The following ST8SIA1 variants were observed in gnomAD, a reference collection of about 807,000 sequenced individuals.
ST8SIA1 encodes the protein alpha-N-acetylneuraminide alpha-2,8-sialyltransferase.
Under a neutral mutation model 35.9 loss-of-function variants are expected in ST8SIA1, and 16 were observed. The ratio of observed to expected loss-of-function variants is 0.45; its 90% CI spans 0.30 to 0.68. ST8SIA1 has a LOEUF of 0.68. ST8SIA1 is among the 30% of genes least tolerant of loss of function. The pLI is 0.09. For synonymous variants in ST8SIA1, 170 were observed against 169.6 expected (o/e 1.00, Z -0.02); for missense variants, 383 against 453.6 (o/e 0.84, Z 1.41).
At chr12:22,294,445 C>T (rs1414964456) in intron 1 of ST8SIA1, among the ~76,000 whole-genome samples, 1 of 152,126 alleles carries the variant, frequency 6.6e-6, no homozygotes. Context: ...AGGAGAAGTA[C>T]TTTCATTAGA....
chr12:22,204,159 C>G (rs1372051527), intron 4 of ST8SIA1, among the ~76,000 whole-genome samples: 1 of 145,998 alleles, frequency 6.8e-6, no homozygotes, highest in Non-Finnish European at 1.5e-5. Flanking sequence ...AACTCATGTT[C>G]CAAAGTGGAT....
rs1390052860 is a variant in ST8SIA1, at chr12:22,195,322, G to C, written c.*6230C>G. ...CAGCAAGGGGTGGAGCCTTGATACT[G>C]TCATGGTCCAAGTGGGTAAACAGGT... On this transcript the variant is annotated 3_prime_UTR_variant, in exon 5 of 5. Transcript: ENST00000396037. 6.6e-6 allele frequency: 1 copy of C among 152,110 alleles called. No homozygotes were observed. Among genetic ancestry groups the C allele is most frequent in the Non-Finnish European group, 1.5e-5 (1 of 68,068 alleles). 9.4% of individuals were successfully genotyped at this position (152,110 alleles called of 1,614,324 possible).
At chr12:22,296,729 T>C (rs1866248950) in intron 1 of ST8SIA1, among the ~76,000 whole-genome samples, 1 of 152,146 alleles carries the variant, frequency 6.6e-6, no homozygotes, top group Non-Finnish European at 1.5e-5. Flanking sequence ...TTAAAACATA[T>C]GTTTGGAGAG....
chr12:22,297,461 T>C (rs1866259699), intron 1 of ST8SIA1, among the ~76,000 whole-genome samples: 1 of 151,776 alleles, frequency 6.6e-6, no homozygotes, highest in Admixed American at 6.6e-5. Context: ...TTTCTGTGGG[T>C]AAGATTCAAA....
At chr12:22,319,952 C>T (rs1866565303) in intron 1 of ST8SIA1, among the ~76,000 whole-genome samples, 1 of 152,086 alleles carries the variant, frequency 6.6e-6, no homozygotes, top group Non-Finnish European at 1.5e-5. Flanking sequence ...TCACGGTAAG[C>T]CCCATAAAAA....
intron 1 of ST8SIA1, among the ~76,000 whole-genome samples, chr12:22,305,689 A>G (rs1866375816): frequency 1.3e-5 from 2 of 152,078 alleles, no homozygotes. Context: ...CCTAGCATAC[A>G]TTTTTGTTTG....
At chr12:22,257,661 G>A (rs1012084796) in intron 2 of ST8SIA1, among the ~76,000 whole-genome samples, 11 of 151,950 alleles carry the variant, frequency 7.2e-5, no homozygotes, top group Non-Finnish European at 1.5e-4. Flanking sequence ...AAACATTCCT[G>A]GGATGGGAAA....
At chr12:22,262,000 G>C (rs942358155) in intron 2 of ST8SIA1, among the ~76,000 whole-genome samples, 5 of 152,094 alleles carry the variant, frequency 3.3e-5, no homozygotes, top group Non-Finnish European at 7.4e-5. Flanking sequence ...AAAATGCAGC[G>C]TGCTATAAGG....
chr12:22,306,121 C>T (rs1205478956), intron 1 of ST8SIA1, among the ~76,000 whole-genome samples: 1 of 152,166 alleles, frequency 6.6e-6, no homozygotes, highest in Non-Finnish European at 1.5e-5. Flanking sequence ...AGCCCCTTCC[C>T]TGCTTGAGTT....
intron 4 of ST8SIA1, among the ~76,000 whole-genome samples, chr12:22,211,444 T>A (rs1034163209): frequency 1.3e-5 from 2 of 152,196 alleles, no homozygotes; most frequent in South Asian, 4.1e-4. Context: ...TCAACCATGA[T>A]TGCATGCTAA....
chr12:22,276,312 C>G (rs1433624805), intron 2 of ST8SIA1, among the ~76,000 whole-genome samples: 1 of 152,218 alleles, frequency 6.6e-6, no homozygotes, highest in East Asian at 1.9e-4. Context: ...GCCATAAAGA[C>G]CCATGTAACT....
intron 1 of ST8SIA1, among the ~76,000 whole-genome samples, chr12:22,321,812 C>T (rs1464812508): frequency 1.3e-5 from 2 of 152,200 alleles, no homozygotes; most frequent in Non-Finnish European, 2.9e-5. Context: ...ACTGACTCAG[C>T]TCACCAGAGT....
intron 3 of ST8SIA1, among the ~76,000 whole-genome samples, chr12:22,253,581 G>A (rs983921768): frequency 2.6e-5 from 4 of 152,130 alleles, no homozygotes; most frequent in Admixed American, 6.5e-5. Context: ...CACATCTCTA[G>A]GATATAAATC....
At position 22,197,264 on chromosome 12, in the gene ST8SIA1, A is replaced by G. The variant is rs1591820900; in HGVS notation, c.*4288T>C. 3 of 152,368 alleles carry G rather than the reference A, an allele frequency of 2.0e-5. No individual in the cohort carries two copies. Among genetic ancestry groups the G allele is most frequent in the African/African-American group, 7.2e-5 (3 of 41,586 alleles). The allele number at this position is 152,368 out of a possible 1,614,324, so 9.4% of individuals were successfully genotyped here. A position where few individuals can be genotyped will look rare whatever the true frequency, so the allele number is the denominator to read the frequency against. On this transcript the variant is annotated 3_prime_UTR_variant, in exon 5 of 5. Coordinates refer to ENST00000396037, the MANE Select transcript of ST8SIA1 (RefSeq NM_003034.4). Reference sequence around the variant, plus strand: ...CTTATTCCTCCACAAGTTTGCGTCAAGTTCACATAAACGTCCTTACAGCTT... The same window carrying G: ...CTTATTCCTCCACAAGTTTGCGTCAGGTTCACATAAACGTCCTTACAGCTT...
At chr12:22,253,544 G>T (rs781516216) in intron 3 of ST8SIA1, among the ~76,000 whole-genome samples, 1 of 152,154 alleles carries the variant, frequency 6.6e-6, no homozygotes, top group Non-Finnish European at 1.5e-5. Flanking sequence ...AAGCTCCCGT[G>T]TGTCTGAATT....
At chr12:22,285,232 A>C (rs3782526) in intron 2 of ST8SIA1, among the ~76,000 whole-genome samples, 31,594 of 152,124 alleles carry the variant, frequency 0.21, 3,299 homozygotes, top group Middle Eastern at 0.32. Context: ...TGGAACTCAT[A>C]TTCTTTCCCC....
chr12:22,226,522 TG>T (rs1458119670), intron 4 of ST8SIA1, among the ~76,000 whole-genome samples: 1 of 152,092 alleles, frequency 6.6e-6, no homozygotes, highest in Admixed American at 6.6e-5. Flanking sequence ...TTTTCCTTAT[TG>T]GGTCTGATGA....
chr12:22,255,630 T>A (rs892550152), intron 2 of ST8SIA1, among the ~76,000 whole-genome samples: 5 of 151,350 alleles, frequency 3.3e-5, no homozygotes, highest in Non-Finnish European at 7.4e-5. Context: ...ACAACATTTA[T>A]TTTTTTCCTC....
At chr12:22,294,214 T>G (rs1422445907) in intron 1 of ST8SIA1, among the ~76,000 whole-genome samples, 1 of 152,010 alleles carries the variant, frequency 6.6e-6, no homozygotes, top group Non-Finnish European at 1.5e-5. Flanking sequence ...GTTTTGAGAA[T>G]CAAGCAGCAG....
Sources: gnomAD v4.1 joint callset for allele counts (sites outside exome capture counted in the v4.1 genomes callset) on GRCh38, gnomAD v4.1.1 for gene constraint, MANE v1.5 for transcripts, NCBI Gene and HGNC (gene_info 2026-07-23, HGNC 2026-07-21) for gene names.